Variants in TUNAR observed in about 807,000 individuals in gnomAD.
TUNAR encodes transmembrane neural differentiation associated intracellular calcium regulator, also known as protein TUNAR.
At chr14:95,887,567 A>G (rs1242373161) in intron 2 of TUNAR, among the ~76,000 whole-genome samples, 1 of 152,258 alleles carries the variant, frequency 6.6e-6, no homozygotes, top group Admixed American at 6.5e-5. Context: ...CCCGTGCAAC[A>G]TAAAGGAATT....
At chr14:95,921,600 G>C (rs994950112) in intron 2 of TUNAR, among the ~76,000 whole-genome samples, 1 of 152,164 alleles carries the variant, frequency 6.6e-6, no homozygotes, top group African/African-American at 2.4e-5. Context: ...CAGTTTAAAG[G>C]AACAGTTTAA....
At chr14:95,924,344 C>T (rs1485822084) in exon 3 of TUNAR, 1 of 152,260 alleles carries the variant, frequency 6.6e-6, no homozygotes. Flanking sequence ...CCACATGAAG[C>T]TATTTCCTCT....
chr14:95,919,592 G>A (rs1414819806), intron 2 of TUNAR, among the ~76,000 whole-genome samples: 9 of 152,030 alleles, frequency 5.9e-5, no homozygotes, highest in African/African-American at 2.2e-4. Flanking sequence ...GCACGCTGGT[G>A]GTACCAACTG....
intron 2 of TUNAR, 66 bp downstream of exon 1, chr14:95,877,243 C>G (rs1888903138): frequency 6.6e-6 from 1 of 152,230 alleles, no homozygotes; most frequent in Admixed American, 6.5e-5. Flanking sequence ...GCCTCAGGGC[C>G]CCTGTCCTAC....
intron 2 of TUNAR, among the ~76,000 whole-genome samples, chr14:95,891,548 A>C (rs927644821): frequency 6.6e-6 from 1 of 152,226 alleles, no homozygotes; most frequent in Non-Finnish European, 1.5e-5. Flanking sequence ...GAGCCTGCCC[A>C]GGGCCACACG....
chr14:95,908,425 T>C (rs1465139233), intron 2 of TUNAR, among the ~76,000 whole-genome samples: 3 of 152,212 alleles, frequency 2.0e-5, no homozygotes, highest in African/African-American at 7.2e-5. Flanking sequence ...GGCAACGATC[T>C]GTCAGGCAAA....
At chr14:95,921,582 T>C (rs577908480) in intron 2 of TUNAR, among the ~76,000 whole-genome samples, 1 of 152,318 alleles carries the variant, frequency 6.6e-6, no homozygotes, top group East Asian at 1.9e-4. Context: ...AGCTGGAAGA[T>C]ATGCCTGCAG....
At chr14:95,911,683 A>G (rs1479215387) in intron 2 of TUNAR, among the ~76,000 whole-genome samples, 1 of 152,244 alleles carries the variant, frequency 6.6e-6, no homozygotes, top group African/African-American at 2.4e-5. Context: ...AGAAACACTC[A>G]GAATTACAGT....
intron 2 of TUNAR, among the ~76,000 whole-genome samples, chr14:95,879,346 C>T (rs1417885927): frequency 2.6e-5 from 4 of 152,118 alleles, no homozygotes; most frequent in Admixed American, 6.5e-5. Context: ...TTGACAGGCT[C>T]ATAGGGATCT....
At chr14:95,884,353 A>T (rs1311562031) in intron 2 of TUNAR, among the ~76,000 whole-genome samples, 1 of 151,994 alleles carries the variant, frequency 6.6e-6, no homozygotes, top group Non-Finnish European at 1.5e-5. Context: ...GAACCCACCC[A>T]GCTGCCAGGC....
chr14:95,922,972 C>T (rs1190060988), exon 3 of TUNAR: 1 of 399,004 alleles, frequency 2.5e-6, no homozygotes, highest in Non-Finnish European at 4.4e-6. Context: ...TGTGAATGGC[C>T]CAGAGCGTCC....
intron 2 of TUNAR, among the ~76,000 whole-genome samples, chr14:95,910,045 C>A (rs780012975): frequency 7.2e-5 from 11 of 152,142 alleles, no homozygotes; most frequent in South Asian, 2.1e-4. Context: ...ATGTTGGCTG[C>A]GTGATTTAAA....
intron 2 of TUNAR, among the ~76,000 whole-genome samples, chr14:95,880,404 G>C (rs954268777): frequency 1.3e-5 from 2 of 152,102 alleles, no homozygotes; most frequent in African/African-American, 4.8e-5. Context: ...TGATTATGCC[G>C]GCTTCCCTAT....
intron 2 of TUNAR, among the ~76,000 whole-genome samples, chr14:95,891,981 C>T (rs1180281015): frequency 6.6e-6 from 1 of 152,254 alleles, no homozygotes; most frequent in Admixed American, 6.5e-5. Context: ...TCCAAATCCT[C>T]TATTTTCCTC....
At chr14:95,890,856 G>T (rs1252164841) in intron 2 of TUNAR, among the ~76,000 whole-genome samples, 2 of 152,180 alleles carry the variant, frequency 1.3e-5, no homozygotes, top group African/African-American at 4.8e-5. Flanking sequence ...GAGTATTCTT[G>T]GTTTTCCCAT....
chr14:95,910,909 C>G (rs1889502378), intron 2 of TUNAR, among the ~76,000 whole-genome samples: 1 of 152,246 alleles, frequency 6.6e-6, no homozygotes, highest in South Asian at 2.1e-4. Context: ...GCCACCCTGT[C>G]TAGACATTTA....
chr14:95,888,513 C>G (rs1889114008), intron 2 of TUNAR, among the ~76,000 whole-genome samples: 1 of 152,160 alleles, frequency 6.6e-6, no homozygotes, highest in Non-Finnish European at 1.5e-5. Context: ...GGGAGGCTTC[C>G]TCACTCGCAT....
intron 2 of TUNAR, among the ~76,000 whole-genome samples, chr14:95,921,281 A>AT (rs1413591968): frequency 1.9e-4 from 29 of 152,300 alleles, no homozygotes; most frequent in African/African-American, 6.7e-4. Context: ...TGACACATAA[A>AT]TTTAACCATC....
chr14:95,916,512 A>G (rs1889609141), intron 2 of TUNAR, among the ~76,000 whole-genome samples: 1 of 152,188 alleles, frequency 6.6e-6, no homozygotes, highest in African/African-American at 2.4e-5. Context: ...ACAACGGTAG[A>G]TCCAGGCCAC....
Sources: gnomAD v4.1 joint callset for allele counts (sites outside exome capture counted in the v4.1 genomes callset) on GRCh38, gnomAD v4.1.1 for gene constraint, MANE v1.5 for transcripts, NCBI Gene and HGNC (gene_info 2026-07-23, HGNC 2026-07-21) for gene names.